POLR2F: variants seen among roughly 807,000 people sequenced by gnomAD.
The protein encoded by POLR2F is RNA polymerase II, I and III subunit F.
POLR2F carries 12 observed loss-of-function variants against 22.7 expected under a neutral mutation model. The observed-to-expected ratio is 0.53, with a 90% CI of 0.34 to 0.86. The LOEUF is 0.86. Ranked by LOEUF, POLR2F falls within the 40% of genes least tolerant of loss-of-function variation. The pLI is 0.02. For missense variants in POLR2F, 126 were observed against 171.5 expected (o/e 0.73, Z 1.48); for synonymous variants, 57 against 66.0 (o/e 0.86, Z 0.66).
chr22:37,973,177 T>C, downstream of POLR2F: 1 of 322,620 alleles, frequency 3.1e-6, no homozygotes, highest in Admixed American at 4.5e-5. Flanking sequence ...CCGAGGAGGG[T>C]GAGCAGGCCC....
intron 5 of POLR2F, chr22:38,040,253 C>A (rs1006549128): frequency 7.1e-6 from 1 of 140,918 alleles, no homozygotes; most frequent in Non-Finnish European, 1.5e-5. Context: ...CCATGGCACC[C>A]CAGCCTGGGG....
At chr22:37,960,780 G>A (rs1204479884) in intron 3 of POLR2F, among the ~76,000 whole-genome samples, 1 of 151,838 alleles carries the variant, frequency 6.6e-6, no homozygotes, top group Non-Finnish European at 1.5e-5. Flanking sequence ...TGATCCACCC[G>A]CCTTGGCCTC....
chr22:38,016,417 G>A lies in POLR2F; in HGVS notation c.121-9452G>A, dbSNP rs568526539. On this transcript the variant is annotated intron_variant, in intron 1 of 2. Transcript: ENST00000333418. The surrounding 1 kb of genome is among the most constrained non-coding windows in gnomAD (Gnocchi z 4.4). ...CTGCGCTTGACACACGCCCCCATCC[G>A]CCACCTCCCAGAGAAGGGACCATTG... Among the ~76,000 whole-genome samples the A allele has an allele frequency of 4.7e-4, 71 of 152,308 alleles. 1 individual carries two copies. In the East Asian group the frequency reaches 0.012, roughly 25 times the overall value.
At position 38,024,031 on chromosome 22, in the gene POLR2F, C is replaced by T. The variant is rs564635304; in HGVS notation, c.121-1838C>T. ...TAATTTTTTGTATTTTTAGTAGAGA[C>T]GGGGGTTTCACCATGTTGGTCAGGC... On this transcript the variant is annotated intron_variant, in intron 1 of 2. Transcript: ENST00000333418. Among the ~76,000 whole-genome samples the T allele has an allele frequency of 5.3e-5, 8 of 151,556 alleles. No individual in the cohort carries two copies. In the South Asian group the frequency reaches 1.7e-3, roughly 32 times the overall value.
At chr22:38,018,898 C>T (rs917126391) in intron 1 of POLR2F, among the ~76,000 whole-genome samples, 2 of 152,190 alleles carry the variant, frequency 1.3e-5, no homozygotes, top group African/African-American at 4.8e-5. Context: ...AGATTGGCCT[C>T]TGGAGGGCCA....
intron 5 of POLR2F, among the ~76,000 whole-genome samples, chr22:38,039,293 A>C (rs2085148853): frequency 6.6e-6 from 1 of 152,202 alleles, no homozygotes; most frequent in Admixed American, 6.5e-5. Flanking sequence ...CCTAGATAGG[A>C]ATGTCAGGAA....
upstream of POLR2F, chr22:37,983,787 C>T (rs2145777870): frequency 7.0e-7 from 1 of 1,433,984 alleles, no homozygotes; most frequent in Non-Finnish European, 9.1e-7. This position sits in a 1 kb window ranked among gnomAD's most constrained non-coding sequence, Gnocchi z 9.5. Context: ...TCCGCCATGT[C>T]GCCCCCGGCC....
At chr22:37,973,713 T>C (rs759738648), downstream of POLR2F, 1 of 1,605,134 alleles carries the variant, frequency 6.2e-7, no homozygotes, top group Non-Finnish European at 8.5e-7. Context: ...GGGCGGGAGA[T>C]GGAGGGGAAG....
chr22:37,961,129 A>G (rs532139802), intron 3 of POLR2F, among the ~76,000 whole-genome samples: 6 of 151,608 alleles, frequency 4.0e-5, no homozygotes, highest in African/African-American at 1.2e-4. Flanking sequence ...GAGTACAGGC[A>G]TGAGCCACCG....
intron 3 of POLR2F, among the ~76,000 whole-genome samples, chr22:37,961,920 A>G (rs1360635472): frequency 5.9e-5 from 9 of 152,044 alleles, no homozygotes; most frequent in Admixed American, 5.9e-4. Context: ...CAAGTAGGGA[A>G]TAATGGAAAT....
Position 37,986,418 on chromosome 22 carries a change from G to A in POLR2F, c.120+106G>A. On this transcript the variant is annotated intron_variant, in intron 1 of 2. Coordinates refer to the POLR2F transcript ENST00000333418. This position sits in a 1 kb window ranked among gnomAD's most constrained non-coding sequence, Gnocchi z 4.7. ...CTGGCCTGAGACCCGCCTGGGGCAGGAGGGGTGGTTGTGGAAGGAAAGAGC... is the reference window on the plus strand; with the variant it reads ...CTGGCCTGAGACCCGCCTGGGGCAGAAGGGGTGGTTGTGGAAGGAAAGAGC... 1 of 1,532,506 alleles carries A rather than the reference G, an allele frequency of 6.5e-7. No individual in the cohort carries two copies. The highest frequency in any genetic ancestry group is 1.2e-5 in the South Asian group (1 of 83,626). The allele number at this position is 1,532,506 out of a possible 1,614,324, so 94.9% of individuals were successfully genotyped here.
downstream of POLR2F, chr22:38,041,114 A>T (rs376455700): frequency 1.2e-6 from 2 of 1,612,758 alleles, no homozygotes; most frequent in African/African-American, 2.7e-5. Flanking sequence ...CCCCGTGAAC[A>T]ATGCATGGTG....
chr22:37,983,657 C>T (rs1932474865), upstream of POLR2F: 5 of 1,591,526 alleles, frequency 3.1e-6, no homozygotes, highest in African/African-American at 1.3e-5. This position sits in a 1 kb window ranked among gnomAD's most constrained non-coding sequence, Gnocchi z 9.5. Context: ...CGGGCTGGCT[C>T]GCAGGCCCGA....
exon 3 of POLR2F, chr22:38,026,544 C>A: frequency 1.8e-5 from 6 of 341,478 alleles, no homozygotes; most frequent in Admixed American, 3.9e-5. Context: ...CCCTCTTTCC[C>A]CACCGCCTCT....
downstream of POLR2F, among the ~76,000 whole-genome samples, chr22:38,031,028 C>G (rs1331604750): frequency 6.6e-6 from 1 of 151,938 alleles, no homozygotes; most frequent in African/African-American, 2.4e-5. This position sits in a 1 kb window ranked among gnomAD's most constrained non-coding sequence, Gnocchi z 4.1. Flanking sequence ...AGGCTACAGA[C>G]CACCAGCACT....
At position 37,974,383 on chromosome 22, in the gene POLR2F, G is replaced by A. The variant is rs1932163247; in HGVS notation, c.293+7213G>A. 6.8e-6 allele frequency among the ~76,000 whole-genome samples: 1 copy of A among 147,676 alleles called. No homozygotes were observed. The highest frequency in any genetic ancestry group is 6.7e-5 in the Admixed American group (1 of 14,856). On this transcript the variant is annotated intron_variant, in intron 4 of 4. Transcript: ENST00000405557. The surrounding 1 kb of genome is among the most constrained non-coding windows in gnomAD (Gnocchi z 5.4). ...TTTTTTTTTTTTGAGATGGAGTTTCGCTCTTGTTGCCCAGACTGGAGTGCA... is the reference window on the plus strand; with the variant it reads ...TTTTTTTTTTTTGAGATGGAGTTTCACTCTTGTTGCCCAGACTGGAGTGCA...
chr22:37,973,064 A>C (rs1172512013), downstream of POLR2F: 1 of 168,250 alleles, frequency 5.9e-6, no homozygotes, highest in African/African-American at 2.4e-5. Context: ...ACTGTGGCAT[A>C]GGTGGCATGG....
At chr22:37,965,914 G>A (rs1181539257) in intron 3 of POLR2F, among the ~76,000 whole-genome samples, 1 of 152,188 alleles carries the variant, frequency 6.6e-6, no homozygotes. Flanking sequence ...CATCAGGGGT[G>A]GCTTCCTAGA....
At chr22:37,971,781 A>G (rs1932059595), downstream of POLR2F, among the ~76,000 whole-genome samples, 4 of 152,066 alleles carry the variant, frequency 2.6e-5, no homozygotes, top group South Asian at 8.3e-4. Context: ...TCCTCTTCAG[A>G]TACCTGTCTC....
Sources: allele counts gnomAD v4.1 joint callset (sites outside exome capture counted in the v4.1 genomes callset), GRCh38; gene constraint gnomAD v4.1.1; non-coding constraint Gnocchi (gnomAD v3.1); transcripts MANE v1.5; gene names NCBI Gene and HGNC (gene_info 2026-07-23, HGNC 2026-07-21).